Variants in PLSCR5 observed in about 807,000 individuals in gnomAD.
PLSCR5 encodes phospholipid scramblase family, member 5.
Under a neutral mutation model 33.6 loss-of-function variants are expected in PLSCR5, and 44 were observed. That is an observed-to-expected ratio of 1.31 (90% CI 1.03 to 1.69). The LOEUF is 1.69. Among genes scored for constraint, PLSCR5 ranks in the 40% most tolerant of loss-of-function variants. The pLI is 0.00. For missense variants in PLSCR5, 375 were observed against 318.7 expected, an observed-to-expected ratio of 1.18 and a Z score of -1.34; for synonymous variants, 148 against 112.3, an observed-to-expected ratio of 1.32 and a Z score of -2.01.
intron 1 of PLSCR5, 38 bp downstream of exon 1, chr3:146,605,162 A>G (rs2044853454): frequency 1.9e-6 from 3 of 1,582,050 alleles, no homozygotes; most frequent in African/African-American, 2.7e-5. Context: ...TAGTCTTAAT[A>G]TAAGAAAAAG....
chr3:146,603,684 T>G (rs1378738131), intron 1 of PLSCR5, among the ~76,000 whole-genome samples: 1 of 152,158 alleles, frequency 6.6e-6, no homozygotes, highest in African/African-American at 2.4e-5. Flanking sequence ...CTTTTAAAAA[T>G]GTATAACTAG....
intron 5 of PLSCR5, among the ~76,000 whole-genome samples, chr3:146,590,997 G>GTTTTTTTTTTTTT (rs371124404): frequency 4.3e-4 from 61 of 141,852 alleles, no homozygotes; most frequent in East Asian, 1.9e-3. Flanking sequence ...GTTTTTTTTT[G>GTTTTTTTTTTTTT]TTTTTTTTTT....
chr3:146,578,393 G>C (rs1250461599), intron 7 of PLSCR5, among the ~76,000 whole-genome samples: 1 of 152,054 alleles, frequency 6.6e-6, no homozygotes, highest in Non-Finnish European at 1.5e-5. Context: ...TAAATAGAAA[G>C]AGTACATAAT....
downstream of PLSCR5, among the ~76,000 whole-genome samples, chr3:146,584,527 T>C (rs1440515706): frequency 6.6e-6 from 1 of 152,206 alleles, no homozygotes; most frequent in East Asian, 1.9e-4. Context: ...TAAAATATAG[T>C]TATTTTTTGG....
Position 146,591,863 on chromosome 3 carries a change from G to T in PLSCR5, c.472C>A (p.Pro158Thr), listed in dbSNP as rs899275636. The change falls in exon 5 of 8, where the codon CCT becomes ACT. Residue 158 changes from proline (P) to threonine (T), a missense_variant. Pro to Thr is a conservative substitution (Grantham distance 38). Coordinates refer to ENST00000443512, the MANE Select transcript of PLSCR5 (RefSeq NM_001085420.2). ...GTAACGTAACCAACTATAGTACCAGGAGGGGCTTGGATTTCTAACTGTAAG... is the reference window on the plus strand; with the variant it reads ...GTAACGTAACCAACTATAGTACCAGTAGGGGCTTGGATTTCTAACTGTAAG... Reference protein sequence around the residue: ...YLQELEIQAPPGTIVGYVTQK... With the variant: ...YLQELEIQAPTGTIVGYVTQK... 3.1e-6 allele frequency: 5 copies of T among 1,605,438 alleles called. No individual in the cohort carries two copies. Among genetic ancestry groups the T allele is most frequent in the Non-Finnish European group, 4.3e-6 (5 of 1,176,092 alleles).
chr3:146,580,626 G>C (rs1209641312), intron 7 of PLSCR5, among the ~76,000 whole-genome samples: 2 of 151,892 alleles, frequency 1.3e-5, no homozygotes, highest in Non-Finnish European at 2.9e-5. Flanking sequence ...GCCATGCCCA[G>C]TTAATTTTTT....
Position 146,600,413 on chromosome 3 carries a change from C to G in PLSCR5, c.64G>C (p.Asp22His), listed in dbSNP as rs1345388329. 3.1e-6 allele frequency: 5 copies of G among 1,605,510 alleles called. No individual in the cohort carries two copies. Among genetic ancestry groups the G allele is most frequent in the Non-Finnish European group, 4.3e-6 (5 of 1,174,958 alleles). The change falls in exon 2 of 8, where the codon GAC becomes CAC. Residue 22 changes from aspartate to histidine, a missense_variant. By Grantham distance (81) the Asp-to-His change is moderately conservative. Transcript: ENST00000443512. Reference protein sequence around the residue: ...GLPGFLPGAPDPDQSLPASSN... With the variant: ...GLPGFLPGAPHPDQSLPASSN... ...GAGGCAGGAAGGCTTTGGTCTGGGT[C>G]TGGAGCTCCAGGAAGAAAACCAGGC...
intron 2 of PLSCR5, among the ~76,000 whole-genome samples, chr3:146,599,233 A>G (rs569467438): frequency 1.3e-5 from 2 of 152,352 alleles, no homozygotes; most frequent in South Asian, 2.1e-4. Flanking sequence ...TGCCTACTTT[A>G]CAATGACTAG....
At chr3:146,598,228 A>G (rs2044779541) in intron 2 of PLSCR5, among the ~76,000 whole-genome samples, 4 of 152,154 alleles carry the variant, frequency 2.6e-5, no homozygotes, top group Admixed American at 2.0e-4. Flanking sequence ...TGATTAATGT[A>G]CTATTTCCAA....
At chr3:146,592,903 A>G (rs1413358723) in intron 4 of PLSCR5, among the ~76,000 whole-genome samples, 1 of 152,180 alleles carries the variant, frequency 6.6e-6, no homozygotes, top group Non-Finnish European at 1.5e-5. Context: ...GCATATTAAT[A>G]TTAAATATCC....
intron 1 of PLSCR5, 100 bp from the exon 2 acceptor site, chr3:146,600,563 T>C (rs1466048211): frequency 2.8e-6 from 3 of 1,076,968 alleles, no homozygotes; most frequent in South Asian, 3.6e-5. Flanking sequence ...GGATAGTTTA[T>C]CTCCTGCCTC....
chr3:146,600,135 G>C (rs1383171298), intron 2 of PLSCR5, among the ~76,000 whole-genome samples, 153 bp downstream of exon 2: 2 of 152,028 alleles, frequency 1.3e-5, no homozygotes, highest in African/African-American at 4.8e-5. Flanking sequence ...AATAAATAAA[G>C]TTAATATTTT....
At chr3:146,579,850 AAG>A (rs1461597432) in intron 7 of PLSCR5, among the ~76,000 whole-genome samples, 12 of 152,202 alleles carry the variant, frequency 7.9e-5, no homozygotes, top group African/African-American at 2.4e-4. Context: ...GGCCTAGCCT[AAG>A]AGAGTCTGAC....
At chr3:146,591,638 A>T in intron 5 of PLSCR5, 82 bp downstream of exon 5, 1 of 1,375,520 alleles carries the variant, frequency 7.3e-7, no homozygotes, top group Non-Finnish European at 9.9e-7. Context: ...AATGAAATTA[A>T]TTTGAACATA....
At chr3:146,578,078 CATTTT>C (rs10635974) in intron 7 of PLSCR5, among the ~76,000 whole-genome samples, 1 of 149,674 alleles carries the variant, frequency 6.7e-6, no homozygotes, top group Non-Finnish European at 1.5e-5. Flanking sequence ...TGAATACTGA[CATTTT>C]ATTTTATTAT....
chr3:146,584,424 C>T (rs2044652734), downstream of PLSCR5, among the ~76,000 whole-genome samples: 1 of 152,102 alleles, frequency 6.6e-6, no homozygotes, highest in Non-Finnish European at 1.5e-5. Flanking sequence ...GTTTTTGTTC[C>T]CTTCTATGAC....
intron 1 of PLSCR5, among the ~76,000 whole-genome samples, chr3:146,600,759 C>T (rs1043058553): frequency 4.7e-5 from 7 of 149,598 alleles, no homozygotes; most frequent in Admixed American, 2.0e-4. Flanking sequence ...TATATAATTA[C>T]TTGCATATAT....
At chr3:146,577,286 C>G (rs1576813560) in intron 7 of PLSCR5, among the ~76,000 whole-genome samples, 1 of 152,042 alleles carries the variant, frequency 6.6e-6, no homozygotes, top group South Asian at 2.1e-4. Context: ...ATTCTTAGAC[C>G]TACTCACACT....
At chr3:146,596,733 C>T (rs912144499) in intron 2 of PLSCR5, among the ~76,000 whole-genome samples, 20 of 152,276 alleles carry the variant, frequency 1.3e-4, no homozygotes, top group African/African-American at 4.8e-4. Flanking sequence ...TTTGAAGCTA[C>T]ATGATTTCCC....
Sources: allele counts gnomAD v4.1 joint callset (sites outside exome capture counted in the v4.1 genomes callset), GRCh38; gene constraint gnomAD v4.1.1; transcripts MANE v1.5; gene names NCBI Gene and HGNC (gene_info 2026-07-23, HGNC 2026-07-21).